HEATR5A: variants seen among roughly 807,000 people sequenced by gnomAD.
HEATR5A encodes HEAT repeat-containing protein 5A.
In HEATR5A, 178 loss-of-function variants were observed where a neutral mutation model predicts 218.8. That is an observed-to-expected ratio of 0.81 (90% CI 0.72 to 0.92). The LOEUF (loss-of-function observed/expected upper bound fraction) is 0.92. Ranked by LOEUF, HEATR5A falls within the 40% of genes least tolerant of loss-of-function variation. HEATR5A has a pLI of 0.00. For missense variants in HEATR5A, 2,420 were observed against 2,418.9 expected, an observed-to-expected ratio of 1.00 and a Z score of -0.01; for synonymous variants, 864 against 871.6, an observed-to-expected ratio of 0.99 and a Z score of 0.15.
chr14:31,349,997 C>T lies in HEATR5A; in HGVS notation c.2518-18G>A. On this transcript the variant is annotated intron_variant, in intron 17 of 35. Coordinates refer to ENST00000543095, the MANE Select transcript of HEATR5A (RefSeq NM_015473.4). ...GCCACGTACTGAAATATGTAAAGAA[C>T]AACCCAAACTTACAATTGTAGTAAA... The T allele has an allele frequency of 6.7e-7, 1 of 1,492,744 alleles. No individual in the cohort carries two copies. Among genetic ancestry groups the T allele is most frequent in the East Asian group, 2.4e-5 (1 of 42,544 alleles). 92.5% of individuals were successfully genotyped at this position (1,492,744 alleles called of 1,614,324 possible).
At chr14:31,394,541 C>G (rs1002082511) in intron 5 of HEATR5A, among the ~76,000 whole-genome samples, 1 of 152,042 alleles carries the variant, frequency 6.6e-6, no homozygotes, top group Admixed American at 6.6e-5. Context: ...TCTGGCTGGG[C>G]ACGGAGGCTC....
Position 31,400,481 on chromosome 14 carries a change from A to G in HEATR5A, c.158T>C (p.Val53Ala), listed in dbSNP as rs1386883635. ...NDVREKQKTL[V>A]EQLLSLLNSS... ...GTTCAACAAAGACAGGAGCTGTTCA[A>G]CAAGAGTCTTCTGTTTCTCCCTTAC... The change falls in exon 3 of 36, where the codon GTT becomes GCT. Residue 53 changes from valine to alanine, a missense_variant. Transcript: ENST00000543095. 4 of 1,535,672 alleles carry G rather than the reference A, an allele frequency of 2.6e-6. No individual in the cohort carries two copies. In the African/African-American group the frequency reaches 4.1e-5, roughly 16 times the overall value.
chr14:31,419,502 T>C (rs1048895256), intron 1 of HEATR5A, among the ~76,000 whole-genome samples: 8 of 152,236 alleles, frequency 5.3e-5, no homozygotes, highest in Non-Finnish European at 1.0e-4. Context: ...TTCTTAAGTG[T>C]ACTTGTGGGC....
chr14:31,364,386 T>A, intron 13 of HEATR5A, 88 bp from the exon 14 acceptor site: 1 of 628,856 alleles, frequency 1.6e-6, no homozygotes, highest in Middle Eastern at 4.2e-4. Flanking sequence ...AACATATAAA[T>A]TAGCTATGTA....
intron 16 of HEATR5A, among the ~76,000 whole-genome samples, chr14:31,351,546 T>C (rs1257733795): frequency 6.6e-6 from 1 of 150,818 alleles, no homozygotes; most frequent in Admixed American, 6.6e-5. Flanking sequence ...TGAAAAGTGC[T>C]AAAAAGGTAA....
intron 22 of HEATR5A, among the ~76,000 whole-genome samples, chr14:31,330,627 A>G (rs377278800): frequency 6.6e-6 from 1 of 151,872 alleles, no homozygotes; most frequent in South Asian, 2.1e-4. Context: ...TGTCTCTACT[A>G]AAAAATACAA....
At chr14:31,394,538 G>A (rs2030573965) in intron 5 of HEATR5A, among the ~76,000 whole-genome samples, 1 of 151,984 alleles carries the variant, frequency 6.6e-6, no homozygotes, top group African/African-American at 2.4e-5. Context: ...AACTCTGGCT[G>A]GGCACGGAGG....
At chr14:31,347,536 A>C (rs937558471) in intron 19 of HEATR5A, among the ~76,000 whole-genome samples, 1 of 152,212 alleles carries the variant, frequency 6.6e-6, no homozygotes, top group Non-Finnish European at 1.5e-5. Flanking sequence ...GATGGAACAG[A>C]GATACATTTT....
intron 22 of HEATR5A, among the ~76,000 whole-genome samples, chr14:31,333,896 G>T (rs1900560699): frequency 6.6e-6 from 1 of 151,574 alleles, no homozygotes; most frequent in African/African-American, 2.4e-5. Context: ...AAATTTAGCT[G>T]GGTGTGGTGA....
chr14:31,394,133 T>C lies in HEATR5A; in HGVS notation c.691A>G (p.Asn231Asp), dbSNP rs1230809060. 2 of 1,535,142 alleles carry C rather than the reference T, an allele frequency of 1.3e-6. No individual in the cohort carries two copies. Among genetic ancestry groups the C allele is most frequent in the South Asian group, 2.4e-5 (2 of 83,966 alleles). Residue 231 changes from asparagine to aspartate, a missense_variant, in exon 6 of 36, where the codon AAT becomes GAT. By Grantham distance (23) the Asn-to-Asp change is conservative. Transcript: ENST00000543095. ...GAAACAGAAATCCGCACATCATAAT[T>C]GGAACCTTCAAAGGACTTAAAACAC... ...TLCFKSFEGSNYDVRISVSKL... is the reference protein window; with the variant it reads ...TLCFKSFEGSDYDVRISVSKL...
rs754466020 is a variant in HEATR5A, at chr14:31,387,204, T to C, written c.1105A>G (p.Ile369Val). Residue 369 changes from isoleucine (I) to valine (V), a missense_variant, in exon 8 of 36, where the codon ATA (isoleucine) becomes GTA (valine). Coordinates refer to ENST00000543095, the MANE Select transcript of HEATR5A (RefSeq NM_015473.4). The stretch of plus-strand genomic sequence containing the variant: ...GCCTTTTCTCCAAGAAGACCACCTA[T>C]AGTAGTTCGAAGAATAAATGAAACA... ...RCVSFILRTT[I>V]GGLLGEKAQL... The C allele has an allele frequency of 5.6e-6, 9 of 1,613,720 alleles. No individual in the cohort carries two copies. Among genetic ancestry groups the C allele is most frequent in the Admixed American group, 1.7e-5 (1 of 59,990 alleles).
At chr14:31,318,846 G>A (rs747431849) in intron 25 of HEATR5A, among the ~76,000 whole-genome samples, 3 of 152,130 alleles carry the variant, frequency 2.0e-5, no homozygotes, top group Admixed American at 6.6e-5. Flanking sequence ...CTGGCTCCAG[G>A]GACTCATGCT....
At chr14:31,347,950 G>A in intron 18 of HEATR5A, 43 bp from the exon 19 acceptor site, 1 of 1,257,446 alleles carries the variant, frequency 8.0e-7, no homozygotes, top group Non-Finnish European at 1.0e-6. Context: ...CACTGCAAAA[G>A]AAAAAAAACA....
Position 31,364,225 on chromosome 14 carries a change from C to T in HEATR5A, c.2035G>A (p.Glu679Lys). The change falls in exon 14 of 36, where the codon GAA becomes AAA. Residue 679 changes from glutamate to lysine, a missense_variant. Glu to Lys is a moderately conservative substitution (Grantham distance 56, BLOSUM62 1). Coordinates refer to ENST00000543095, the MANE Select transcript of HEATR5A (RefSeq NM_015473.4). Reference sequence around the variant, plus strand: ...TCAGGAGGTAATAAAATCAACAGTTCATAAAGTCTTTGTCTATAAACCACT... The same window carrying T: ...TCAGGAGGTAATAAAATCAACAGTTTATAAAGTCTTTGTCTATAAACCACT... ...PSVVYRQRLY[E>K]LLILLPPETY... 6.4e-7 allele frequency: 1 copy of T among 1,551,670 alleles called. No individual in the cohort carries two copies. Among genetic ancestry groups the T allele is most frequent in the Non-Finnish European group, 8.7e-7 (1 of 1,144,106 alleles).
At position 31,383,847 on chromosome 14, in the gene HEATR5A, T is replaced by C. The variant is rs895973354; in HGVS notation, c.1346-76A>G. ...ACCATAAAATAGTCAAAAGAATACA[T>C]AGCCACATGGATATAAAATATATTT... On this transcript the variant is annotated intron_variant, in intron 9 of 35. Coordinates refer to ENST00000543095, the MANE Select transcript of HEATR5A (RefSeq NM_015473.4). 7.6e-6 allele frequency: 8 copies of C among 1,058,084 alleles called. No homozygotes were observed. The Admixed American group carries it at 8.5e-5, about 11-fold the overall frequency. The allele number at this position is 1,058,084 out of a possible 1,614,324, so 65.5% of individuals were successfully genotyped here.
At chr14:31,404,152 G>A (rs2030976098) in intron 1 of HEATR5A, among the ~76,000 whole-genome samples, 1 of 152,134 alleles carries the variant, frequency 6.6e-6, no homozygotes, top group Non-Finnish European at 1.5e-5. Flanking sequence ...CTACTTGCAG[G>A]AGTAGCAGCT....
At chr14:31,392,332 T>C (rs879277230) in intron 6 of HEATR5A, among the ~76,000 whole-genome samples, 18 of 152,154 alleles carry the variant, frequency 1.2e-4, no homozygotes, top group Non-Finnish European at 2.1e-4. Flanking sequence ...TGGCCTGAGA[T>C]TGGATAAGAC....
chr14:31,408,294 T>C (rs959541125), intron 1 of HEATR5A, among the ~76,000 whole-genome samples: 1 of 152,218 alleles, frequency 6.6e-6, no homozygotes, highest in Non-Finnish European at 1.5e-5. Context: ...AGAGGTCAAA[T>C]TTAGACTAAA....
intron 32 of HEATR5A, among the ~76,000 whole-genome samples, chr14:31,304,073 G>A (rs1161796826): frequency 6.6e-6 from 1 of 152,134 alleles, no homozygotes; most frequent in African/African-American, 2.4e-5. Context: ...AGCCAGGTAT[G>A]GTGGCACAGG....
Sources: allele counts gnomAD v4.1 joint callset (sites outside exome capture counted in the v4.1 genomes callset), GRCh38; gene constraint gnomAD v4.1.1; transcripts MANE v1.5; gene names NCBI Gene and HGNC (gene_info 2026-07-23, HGNC 2026-07-21).